Variants in SDK2 observed in about 807,000 individuals in gnomAD.
The protein encoded by SDK2 is sidekick cell adhesion molecule 2.
In SDK2, 105 loss-of-function variants were observed where a neutral mutation model predicts 253.9. The ratio of observed to expected loss-of-function variants is 0.41; its 90% confidence interval spans 0.35 to 0.49. The LOEUF is 0.49. SDK2 is among the 20% of genes least tolerant of loss of function. The pLI, the probability that SDK2 is intolerant of heterozygous loss-of-function variation, is 0.06. For missense variants in SDK2, 2,608 were observed against 3,003.0 expected (o/e 0.87, Z 3.07); for synonymous variants, 1,249 against 1,234.9 (o/e 1.01, Z -0.24).
chr17:73,627,496 ACAGGGAGCAGGAGGCCC>A (rs542995499), intron 1 of SDK2, among the ~76,000 whole-genome samples: 6 of 152,206 alleles, frequency 3.9e-5, no homozygotes, highest in African/African-American at 1.4e-4. Flanking sequence ...CACAGAGGCC[ACAGGGAGCAGGAGGCCC>A]CAGGGAGCAG....
chr17:73,590,388 C>T (rs1302931210), intron 1 of SDK2, among the ~76,000 whole-genome samples: 4 of 152,190 alleles, frequency 2.6e-5, no homozygotes, highest in African/African-American at 9.7e-5. Flanking sequence ...CTCAAAGGTC[C>T]CACAAGAAGC....
intron 28 of SDK2, 81 bp from the exon 29 acceptor site, chr17:73,390,562 A>C: frequency 7.1e-7 from 1 of 1,402,336 alleles, no homozygotes; most frequent in Admixed American, 2.2e-5. Context: ...TTCCGTCCAA[A>C]GCCACAGCTG....
chr17:73,384,885 T>C lies in SDK2; in HGVS notation c.4570-874A>G, dbSNP rs1352163213. Reference sequence around the variant, plus strand: ...AAACAGCTCAGGCTTTGTTAGCTCCTTAATGGTTTCCCCGGCTGCCATGGG... The same window carrying C: ...AAACAGCTCAGGCTTTGTTAGCTCCCTAATGGTTTCCCCGGCTGCCATGGG... On this transcript the variant is annotated intron_variant, in intron 32 of 44. Transcript: ENST00000392650. 5.9e-5 allele frequency among the ~76,000 whole-genome samples: 9 copies of C among 152,312 alleles called. No individual in the cohort carries two copies. The South Asian group carries it at 1.0e-3, about 18-fold the overall frequency.
At chr17:73,391,559 G>T in intron 27 of SDK2, 21 bp from the exon 28 acceptor site, 5 of 1,244,292 alleles carry the variant, frequency 4.0e-6, no homozygotes, top group Non-Finnish European at 5.1e-6. Flanking sequence ...CAAAGGAGAG[G>T]AGGCCGACCC....
chr17:73,600,864 C>T (rs1718345852), intron 1 of SDK2, among the ~76,000 whole-genome samples: 2 of 152,184 alleles, frequency 1.3e-5, no homozygotes, highest in South Asian at 4.1e-4. Flanking sequence ...CTCTGCATTC[C>T]AATCTCTGCT....
chr17:73,463,855 A>T (rs1376680995), intron 3 of SDK2, among the ~76,000 whole-genome samples: 1 of 152,128 alleles, frequency 6.6e-6, no homozygotes, highest in Non-Finnish European at 1.5e-5. Context: ...CATGGCTAAG[A>T]GAATCTCTAA....
chr17:73,450,612 C>T (rs1446026087), intron 4 of SDK2, among the ~76,000 whole-genome samples: 4 of 152,220 alleles, frequency 2.6e-5, no homozygotes, highest in Admixed American at 1.3e-4. Context: ...TCCAAGAAGG[C>T]TCCCACCTCC....
chr17:73,571,650 C>T (rs915318813), intron 1 of SDK2, among the ~76,000 whole-genome samples: 14 of 152,340 alleles, frequency 9.2e-5, no homozygotes, highest in Non-Finnish European at 1.5e-4. Flanking sequence ...TCCGAGAGCT[C>T]TCCTCCTCGG....
At chr17:73,589,750 T>A (rs1188482129) in intron 1 of SDK2, among the ~76,000 whole-genome samples, 1 of 152,164 alleles carries the variant, frequency 6.6e-6, no homozygotes, top group South Asian at 2.1e-4. Context: ...AAGAGAGCAA[T>A]AAGCCTCATC....
In SDK2 at chr17:73,393,737, C is replaced by G; in HGVS notation, c.3721G>C (p.Glu1241Gln). ...LVLGYKVMYK[E>Q]KDSDTQPRFW... Reference sequence around the variant, plus strand: ...CGGGGCTGGGTGTCCGAGTCCTTCTCCTTATACATCACCTGTCAGGGCCCA... The same window carrying G: ...CGGGGCTGGGTGTCCGAGTCCTTCTGCTTATACATCACCTGTCAGGGCCCA... Residue 1241 changes from glutamate to glutamine, a missense_variant, in exon 27 of 45, where the codon GAG becomes CAG. Glu to Gln is a conservative substitution (Grantham distance 29). This residue lies in a region of SDK2 where 1,505 missense variants were observed against 1,859.1 expected (regional missense o/e 0.81). Transcript: ENST00000392650. 1 of 1,573,652 alleles carries G rather than the reference C, an allele frequency of 6.4e-7. No individual in the cohort carries two copies. Among genetic ancestry groups the G allele is most frequent in the South Asian group, 1.2e-5 (1 of 86,464 alleles).
At chr17:73,426,431 A>T (rs1186421128) in intron 12 of SDK2, among the ~76,000 whole-genome samples, 1 of 151,760 alleles carries the variant, frequency 6.6e-6, no homozygotes, top group Admixed American at 6.6e-5. Context: ...TTTTGATGTG[A>T]TATTTCCACA....
rs552382717 is a variant in SDK2 at position 73,612,690 on chromosome 17, G to A, written c.64+31335C>T. The stretch of plus-strand genomic sequence containing the variant: ...TCCCAGCATTTTGGGAAGCCCAGGC[G>A]GGCAGATCACAAGGTCAAGACTTTG... On this transcript the variant is annotated intron_variant, in intron 1 of 44. Transcript: ENST00000392650. This position sits in a 1 kb window ranked among gnomAD's most constrained non-coding sequence, Gnocchi z 4.4. Among the ~76,000 whole-genome samples, 3 of 152,218 alleles carry A rather than the reference G, an allele frequency of 2.0e-5. No individual in the cohort carries two copies. Among genetic ancestry groups the A allele is most frequent in the East Asian group, 1.9e-4 (1 of 5,176 alleles).
At chr17:73,546,045 C>A (rs1218948437) in intron 1 of SDK2, among the ~76,000 whole-genome samples, 1 of 148,596 alleles carries the variant, frequency 6.7e-6, no homozygotes, top group African/African-American at 2.5e-5. Flanking sequence ...TGGGGAGGGG[C>A]TGGGGAAAAG....
chr17:73,639,362 T>C lies in SDK2; in HGVS notation c.64+4663A>G, dbSNP rs890372484. Among the ~76,000 whole-genome samples the C allele has an allele frequency of 1.3e-5, 2 of 152,158 alleles. No individual in the cohort carries two copies. Among genetic ancestry groups the C allele is most frequent in the African/African-American group, 4.8e-5 (2 of 41,450 alleles). On this transcript the variant is annotated intron_variant, in intron 1 of 44. Coordinates refer to ENST00000392650, the MANE Select transcript of SDK2 (RefSeq NM_001144952.2). This position sits in a 1 kb window ranked among gnomAD's most constrained non-coding sequence, Gnocchi z 4.3. The stretch of plus-strand genomic sequence containing the variant: ...CCTCTCTCCCTTCCCCCGGGGATGC[T>C]GAGCATCCCTGCTCAACGCTGCTCA...
At chr17:73,506,379 G>T (rs917211135) in intron 2 of SDK2, among the ~76,000 whole-genome samples, 1 of 152,148 alleles carries the variant, frequency 6.6e-6, no homozygotes, top group African/African-American at 2.4e-5. Context: ...AGGGGAGGGG[G>T]TGCCCTGTCC....
At chr17:73,394,940 C>T (rs1220560405) in intron 25 of SDK2, among the ~76,000 whole-genome samples, 1 of 152,164 alleles carries the variant, frequency 6.6e-6, no homozygotes, top group African/African-American at 2.4e-5. Flanking sequence ...CCCCGCCCCC[C>T]TTGGGAATAT....
intron 2 of SDK2, among the ~76,000 whole-genome samples, chr17:73,498,881 G>A (rs1456236557): frequency 6.6e-6 from 1 of 152,206 alleles, no homozygotes; most frequent in African/African-American, 2.4e-5. Context: ...AGGGACGCAG[G>A]CTTGGGGTCC....
intron 1 of SDK2, among the ~76,000 whole-genome samples, chr17:73,553,709 C>T (rs766330259): frequency 2.0e-5 from 3 of 152,192 alleles, no homozygotes; most frequent in Non-Finnish European, 2.9e-5. Flanking sequence ...AACCCCCACC[C>T]TTGTTACAGC....
rs1030060916 is a variant in SDK2 at position 73,639,712 on chromosome 17, C to T, written c.64+4313G>A. 2.0e-5 allele frequency among the ~76,000 whole-genome samples: 3 copies of T among 152,230 alleles called. No individual in the cohort carries two copies. The highest frequency in any genetic ancestry group is 2.1e-4 in the South Asian group (1 of 4,822). ...CTGCCTCCCAGAGGGGCTGGGAGTCCGTAGGGACAGGGAGAGGGTTCCAGC... is the reference window on the plus strand; with the variant it reads ...CTGCCTCCCAGAGGGGCTGGGAGTCTGTAGGGACAGGGAGAGGGTTCCAGC... On this transcript the variant is annotated intron_variant, in intron 1 of 44. Coordinates refer to ENST00000392650, the MANE Select transcript of SDK2 (RefSeq NM_001144952.2). The surrounding 1 kb of genome is among the most constrained non-coding windows in gnomAD (Gnocchi z 4.3).
Sources: allele counts gnomAD v4.1 joint callset (sites outside exome capture counted in the v4.1 genomes callset), GRCh38; gene constraint gnomAD v4.1.1; regional missense constraint gnomAD v4.1.1; non-coding constraint Gnocchi (gnomAD v3.1); transcripts MANE v1.5; gene names NCBI Gene and HGNC (gene_info 2026-07-23, HGNC 2026-07-21).